The following KCNMA1 variants were observed in gnomAD, a reference collection of about 807,000 sequenced individuals.
KCNMA1 encodes the protein Calcium-activated potassium channel subunit alpha-1.
A neutral mutation model predicts 140.0 loss-of-function variants in KCNMA1; 29 were observed. The observed-to-expected ratio is 0.21, with a 90% confidence interval of 0.15 to 0.28. The LOEUF (loss-of-function observed/expected upper bound fraction) is 0.28. Ranked by LOEUF, KCNMA1 falls within the 10% of genes least tolerant of loss-of-function variation. KCNMA1 has a pLI of 1.00. For synonymous variants in KCNMA1, 612 were observed against 611.9 expected (o/e 1.00, Z 0.00); for missense variants, 880 against 1,602.2 (o/e 0.55, Z 7.70).
At chr10:77,087,400 C>A (rs1338461885) in intron 10 of KCNMA1, among the ~76,000 whole-genome samples, 3 of 152,076 alleles carry the variant, frequency 2.0e-5, no homozygotes, top group Non-Finnish European at 4.4e-5. Context: ...ATATATATTT[C>A]CTATTGACTC....
intron 23 of KCNMA1, among the ~76,000 whole-genome samples, chr10:76,941,044 A>AGAAG: frequency 1.3e-5 from 1 of 77,866 alleles, no homozygotes; most frequent in Admixed American, 1.3e-4. Flanking sequence ...AAAGAAAGAA[A>AGAAG]GAAAGAAAGA....
chr10:77,245,113 G>T (rs944744338), intron 3 of KCNMA1, among the ~76,000 whole-genome samples: 1 of 152,202 alleles, frequency 6.6e-6, no homozygotes, highest in Admixed American at 6.5e-5. Flanking sequence ...TGCACACAGT[G>T]ATTTGTGTTG....
At chr10:76,936,568 G>A (rs751233440) in intron 23 of KCNMA1, among the ~76,000 whole-genome samples, 4 of 152,190 alleles carry the variant, frequency 2.6e-5, no homozygotes, top group Non-Finnish European at 5.9e-5. Context: ...TTTCAGAATT[G>A]AGAGAGAATA....
intron 19 of KCNMA1, among the ~76,000 whole-genome samples, chr10:76,986,579 G>A (rs140317640): frequency 3.3e-5 from 5 of 152,316 alleles, no homozygotes; most frequent in African/African-American, 7.2e-5. Context: ...GTTCAGGGCT[G>A]TCAAGATTCG....
intron 1 of KCNMA1, among the ~76,000 whole-genome samples, chr10:77,506,836 AGAGAGT>A (rs1404549462): frequency 8.0e-6 from 1 of 124,726 alleles, no homozygotes; most frequent in Non-Finnish European, 1.6e-5. Context: ...AGAGAGAGAG[AGAGAGT>A]GTGTGTGTGT....
intron 1 of KCNMA1, among the ~76,000 whole-genome samples, chr10:77,592,174 T>C (rs1455023024): frequency 6.6e-6 from 1 of 152,102 alleles, no homozygotes; most frequent in Non-Finnish European, 1.5e-5. Flanking sequence ...AAAACCCATA[T>C]GCTTTAACCA....
intron 1 of KCNMA1, among the ~76,000 whole-genome samples, chr10:77,526,614 C>T (rs973412175): frequency 6.6e-5 from 10 of 152,162 alleles, no homozygotes; most frequent in Admixed American, 1.3e-4. Flanking sequence ...TCCATGGAGA[C>T]GATGAGCACA....
In KCNMA1 at chr10:77,291,106, C is replaced by T. The variant is rs375201304; in HGVS notation, c.541-39850G>A. On this transcript the variant is annotated intron_variant, in intron 2 of 27. Transcript: ENST00000286628. ...GCCCTCCTCCCAAACCACAGCTTCCCGTGCCTCTCTTCCCCATGAATTTAG... is the reference window on the plus strand; with the variant it reads ...GCCCTCCTCCCAAACCACAGCTTCCTGTGCCTCTCTTCCCCATGAATTTAG... Among the ~76,000 whole-genome samples, 11 of 152,322 alleles carry T rather than the reference C, an allele frequency of 7.2e-5. No homozygotes were observed. In the South Asian group the frequency reaches 8.3e-4, roughly 11 times the overall value.
intron 17 of KCNMA1, among the ~76,000 whole-genome samples, chr10:77,016,014 A>C (rs532617122): frequency 6.6e-6 from 1 of 152,250 alleles, no homozygotes; most frequent in Admixed American, 6.5e-5. Context: ...GCCATCAATG[A>C]CTTCCATTTT....
At chr10:77,413,852 T>C (rs2096674494) in intron 1 of KCNMA1, among the ~76,000 whole-genome samples, 2 of 152,190 alleles carry the variant, frequency 1.3e-5, no homozygotes, top group South Asian at 4.1e-4. Flanking sequence ...TGTCCACAGA[T>C]TCAGGCAACA....
At chr10:77,515,384 T>C (rs997505099) in intron 1 of KCNMA1, among the ~76,000 whole-genome samples, 10 of 151,778 alleles carry the variant, frequency 6.6e-5, no homozygotes, top group Non-Finnish European at 1.5e-4. Context: ...AAAAAAAAAA[T>C]TAAAAAACAA....
chr10:77,230,897 T>G lies in KCNMA1; in HGVS notation c.602+20298A>C, dbSNP rs1056396197. Among the ~76,000 whole-genome samples, 7 of 152,096 alleles carry G rather than the reference T, an allele frequency of 4.6e-5. No individual in the cohort carries two copies. The South Asian group carries it at 1.2e-3, about 27-fold the overall frequency. ...GAGAAATTTCTGTCTTCAAGGGAAG[T>G]CCACTTGATTTGCTTCTGCTTGAAG... is the stretch of plus-strand genomic sequence containing the variant. On this transcript the variant is annotated intron_variant, in intron 3 of 27. Coordinates refer to ENST00000286628, the MANE Select transcript of KCNMA1 (RefSeq NM_001161352.2).
intron 1 of KCNMA1, chr10:77,636,678 T>C (rs2093776259): frequency 7.2e-6 from 11 of 1,533,258 alleles, no homozygotes; most frequent in Admixed American, 3.9e-5. Flanking sequence ...CCAACTTCTC[T>C]CGCCCCTCGA....
intron 2 of KCNMA1, among the ~76,000 whole-genome samples, chr10:77,286,399 A>G (rs565632488): frequency 6.6e-6 from 1 of 152,224 alleles, no homozygotes; most frequent in Non-Finnish European, 1.5e-5. Flanking sequence ...AGAATGTAAA[A>G]GAAAACATAA....
intron 5 of KCNMA1, among the ~76,000 whole-genome samples, chr10:77,182,883 C>G (rs895692599): frequency 2.6e-5 from 4 of 152,188 alleles, no homozygotes; most frequent in African/African-American, 9.7e-5. Flanking sequence ...AGCCCAGCAG[C>G]ACTCTCCCCT....
chr10:76,959,333 C>T (rs12572413), intron 20 of KCNMA1, among the ~76,000 whole-genome samples: 2 of 152,202 alleles, frequency 1.3e-5, no homozygotes, highest in African/African-American at 4.8e-5. Context: ...CACCTATTTC[C>T]TTAGTGACAG....
chr10:77,076,767 G>C (rs2096411095), intron 13 of KCNMA1, among the ~76,000 whole-genome samples: 1 of 152,226 alleles, frequency 6.6e-6, no homozygotes, highest in South Asian at 2.1e-4. Flanking sequence ...CAATTATGAT[G>C]ATGACAAACT....
intron 2 of KCNMA1, among the ~76,000 whole-genome samples, chr10:77,388,273 C>T (rs1343925010): frequency 1.3e-5 from 2 of 152,206 alleles, no homozygotes. Flanking sequence ...CTGAAAGTGA[C>T]CTTGTGCACT....
intron 2 of KCNMA1, among the ~76,000 whole-genome samples, chr10:77,323,563 T>C (rs1394381762): frequency 1.3e-5 from 2 of 152,216 alleles, no homozygotes; most frequent in Non-Finnish European, 2.9e-5. Context: ...CCCATCACTT[T>C]GCAGGAGCAT....
Sources: gnomAD v4.1 joint callset for allele counts (sites outside exome capture counted in the v4.1 genomes callset) on GRCh38, gnomAD v4.1.1 for gene constraint, MANE v1.5 for transcripts, NCBI Gene and HGNC (gene_info 2026-07-23, HGNC 2026-07-21) for gene names.